The following SGIP1 variants were observed in gnomAD, a reference collection of about 807,000 sequenced individuals.
SGIP1 encodes the protein SH3-containing GRB2-like protein 3-interacting protein 1.
In SGIP1, 38 loss-of-function variants were observed where a neutral mutation model predicts 107.5. The ratio of observed to expected loss-of-function variants is 0.35; its 90% CI spans 0.27 to 0.46. SGIP1 has a LOEUF of 0.46. SGIP1 is among the 20% of genes least tolerant of loss of function. The probability of loss-of-function intolerance (pLI) is 1.00; values close to 1 mark genes in which losing one functional copy is unlikely to be tolerated. For missense variants in SGIP1, 929 were observed against 1,019.5 expected (o/e 0.91, Z 1.21); for synonymous variants, 365 against 366.1 (o/e 1.00, Z 0.03).
chr1:66,722,731 G>A (rs1218746976), intron 19 of SGIP1, among the ~76,000 whole-genome samples: 1 of 152,116 alleles, frequency 6.6e-6, no homozygotes. Flanking sequence ...CCAATAAGTG[G>A]TACAGCAGCC....
chr1:66,682,083 A>T lies in SGIP1; in HGVS notation c.1029A>T (p.Pro343=). ...CCCCACCAGCTACACCAGACAACCC[A>T]GCTGACTCCCCAGCTCCAGGCCCTC... ...VVSPPATPDN[P]ADSPAPGPLG... The change falls in exon 15 of 25, where the codon CCA becomes CCT. Residue 343 remains proline (P), a synonymous_variant. Coordinates refer to ENST00000371037, the MANE Select transcript of SGIP1 (RefSeq NM_032291.4). The T allele has an allele frequency of 6.2e-7, 1 of 1,614,234 alleles. No individual in the cohort carries two copies. The highest frequency in any genetic ancestry group is 1.1e-5 in the South Asian group (1 of 91,092).
At chr1:66,643,986 A>G (rs1028761855) in intron 7 of SGIP1, 4 of 211,368 alleles carry the variant, frequency 1.9e-5, no homozygotes, top group Non-Finnish European at 2.8e-5. Flanking sequence ...TTTTAAAAAG[A>G]AAAAAAAATA....
chr1:66,725,537 C>T (rs943403573), intron 19 of SGIP1, among the ~76,000 whole-genome samples: 3 of 152,214 alleles, frequency 2.0e-5, no homozygotes, highest in Non-Finnish European at 4.4e-5. Flanking sequence ...AGCTCACTCA[C>T]TTTAAGCATT....
At chr1:66,552,898 A>G (rs1159665137) in intron 1 of SGIP1, among the ~76,000 whole-genome samples, 1 of 152,164 alleles carries the variant, frequency 6.6e-6, no homozygotes, top group African/African-American at 2.4e-5. Flanking sequence ...CTTCAGGAAG[A>G]AAAAGCAGAT....
intron 24 of SGIP1, among the ~76,000 whole-genome samples, chr1:66,742,456 CTTTCTTTTTTTTTT>C (rs2094477711): frequency 4.7e-5 from 3 of 64,136 alleles, no homozygotes; most frequent in African/African-American, 1.7e-4. Flanking sequence ...TATGAGCACC[CTTTCTTTTTTTTTT>C]TTTTTTTTTT....
chr1:66,655,763 G>A (rs1272735940), intron 7 of SGIP1, among the ~76,000 whole-genome samples: 2 of 151,880 alleles, frequency 1.3e-5, no homozygotes, highest in Non-Finnish European at 2.9e-5. Flanking sequence ...CCTGTATAAG[G>A]CATTTACCAT....
chr1:66,548,266 G>A (rs2056789650), intron 1 of SGIP1, among the ~76,000 whole-genome samples: 1 of 151,940 alleles, frequency 6.6e-6, no homozygotes, highest in East Asian at 1.9e-4. Flanking sequence ...GGATTGTCTT[G>A]AATCTGTGTT....
chr1:66,709,226 T>G (rs1412277873), intron 18 of SGIP1, among the ~76,000 whole-genome samples: 1 of 122,758 alleles, frequency 8.1e-6, no homozygotes, highest in African/African-American at 3.2e-5. Flanking sequence ...TTCCCCTGCC[T>G]GTGTCCATGT....
At chr1:66,674,425 A>C (rs933684297) in intron 12 of SGIP1, among the ~76,000 whole-genome samples, 2 of 152,186 alleles carry the variant, frequency 1.3e-5, no homozygotes, top group African/African-American at 4.8e-5. Context: ...GTAATATAGA[A>C]TGTTTTTATA....
intron 19 of SGIP1, among the ~76,000 whole-genome samples, chr1:66,726,332 GA>G (rs2150531630): frequency 6.6e-6 from 1 of 152,292 alleles, no homozygotes; most frequent in Non-Finnish European, 1.5e-5. Flanking sequence ...AGTAAAGGGT[GA>G]ATTGGAACGG....
intron 1 of SGIP1, among the ~76,000 whole-genome samples, chr1:66,584,469 TA>T (rs1339472877): frequency 6.6e-6 from 1 of 152,180 alleles, no homozygotes; most frequent in Non-Finnish European, 1.5e-5. Flanking sequence ...TAACCCATGT[TA>T]AAATTTCTCT....
In SGIP1 at chr1:66,747,156, T is replaced by C. The variant is rs552862324; in HGVS notation, c.*4061T>C. 21 of 152,196 alleles carry C rather than the reference T, an allele frequency of 1.4e-4. No individual in the cohort carries two copies. The highest frequency in any genetic ancestry group is 4.6e-4 in the African/African-American group (19 of 41,578). 9.4% of individuals were successfully genotyped at this position (152,196 alleles called of 1,614,324 possible). A position where few individuals can be genotyped will look rare whatever the true frequency, so the allele number is the denominator to read the frequency against. ...TCAAGTTCATACAAGCTATACACAG[T>C]AGGCATCGATAAATTTGTATTGACA... On this transcript the variant is annotated 3_prime_UTR_variant, in exon 25 of 25. Transcript: ENST00000371037.
rs539312626 is a variant in SGIP1, at chr1:66,588,337, A to G, written c.11-37510A>G. On this transcript the variant is annotated intron_variant, in intron 1 of 24. Coordinates refer to ENST00000371037, the MANE Select transcript of SGIP1 (RefSeq NM_032291.4). Reference sequence around the variant, plus strand: ...CTGACTCACTGTAGTATCTCTGGGAAGGTACTTGCCCTCATTTTCCTTCAG... The same window carrying G: ...CTGACTCACTGTAGTATCTCTGGGAGGGTACTTGCCCTCATTTTCCTTCAG... Among the ~76,000 whole-genome samples, 3 of 152,250 alleles carry G rather than the reference A, an allele frequency of 2.0e-5. No homozygotes were observed. The East Asian group carries it at 5.8e-4, about 29-fold the overall frequency.
chr1:66,683,144 G>A lies in SGIP1; in HGVS notation c.1315+775G>A, dbSNP rs181236422. On this transcript the variant is annotated intron_variant, in intron 15 of 24. Transcript: ENST00000371037. ...CATTTTGTGTGTTTTAATTATGAAA[G>A]TATAGTAACACCTACCATGCATACC... 9.9e-5 allele frequency among the ~76,000 whole-genome samples: 15 copies of A among 152,208 alleles called. No individual in the cohort carries two copies. In the East Asian group the frequency reaches 2.3e-3, roughly 24 times the overall value.
intron 15 of SGIP1, among the ~76,000 whole-genome samples, chr1:66,688,507 C>T (rs1038733243): frequency 2.6e-5 from 4 of 152,202 alleles, no homozygotes; most frequent in Admixed American, 2.6e-4. Context: ...CAGCCTCCTT[C>T]ACAAAATAAA....
chr1:66,592,610 A>G (rs1242579408), intron 1 of SGIP1, among the ~76,000 whole-genome samples: 2 of 152,148 alleles, frequency 1.3e-5, no homozygotes, highest in African/African-American at 4.8e-5. Context: ...TCTCCTTCAA[A>G]GTTCATAGTT....
chr1:66,621,040 C>T (rs1279932686), intron 1 of SGIP1, among the ~76,000 whole-genome samples: 1 of 152,160 alleles, frequency 6.6e-6, no homozygotes, highest in Admixed American at 6.5e-5. Flanking sequence ...CTTCATGGAG[C>T]TCACCATCTA....
chr1:66,655,203 T>C (rs1209133856), intron 7 of SGIP1, among the ~76,000 whole-genome samples: 1 of 151,862 alleles, frequency 6.6e-6, no homozygotes, highest in African/African-American at 2.4e-5. Flanking sequence ...AGAGCCTCAT[T>C]GTCAAGATTC....
chr1:66,610,071 G>A (rs773619505), intron 1 of SGIP1, among the ~76,000 whole-genome samples: 12 of 152,010 alleles, frequency 7.9e-5, no homozygotes, highest in Non-Finnish European at 1.6e-4. Flanking sequence ...AGTTATTAGC[G>A]TCACTGGAAA....
Sources: allele counts gnomAD v4.1 joint callset (sites outside exome capture counted in the v4.1 genomes callset), GRCh38; gene constraint gnomAD v4.1.1; transcripts MANE v1.5; gene names NCBI Gene and HGNC (gene_info 2026-07-23, HGNC 2026-07-21).